OTUD7A: variants seen among roughly 807,000 people sequenced by gnomAD.
The protein encoded by OTUD7A is OTU deubiquitinase 7A, also known as OTU domain-containing protein 7A.
Under a neutral mutation model 65.7 loss-of-function variants are expected in OTUD7A, and 12 were observed. The ratio of observed to expected loss-of-function variants is 0.18; its 90% CI spans 0.12 to 0.30. The LOEUF is 0.30. OTUD7A is among the 10% of genes least tolerant of loss of function. The pLI, the probability that OTUD7A is intolerant of heterozygous loss-of-function variation, is 1.00. For synonymous variants in OTUD7A, 641 were observed against 586.3 expected (o/e 1.09, Z -1.35); for missense variants, 1,148 against 1,304.8 (o/e 0.88, Z 1.85).
intron 1 of OTUD7A, among the ~76,000 whole-genome samples, chr15:31,687,777 C>T (rs1185098254): frequency 6.6e-6 from 1 of 152,124 alleles, no homozygotes; most frequent in East Asian, 1.9e-4. Context: ...GTCTGAGGTC[C>T]CAATAAACTA....
intron 1 of OTUD7A, among the ~76,000 whole-genome samples, chr15:31,778,040 G>A (rs137862973): frequency 5.4e-4 from 82 of 152,218 alleles, no homozygotes; most frequent in African/African-American, 1.9e-3. Flanking sequence ...GGATCTAGGG[G>A]TATCATCAGT....
At chr15:31,518,269 C>T (rs12440031) in intron 8 of OTUD7A, among the ~76,000 whole-genome samples, 157 of 151,834 alleles carry the variant, frequency 1.0e-3, no homozygotes, top group Middle Eastern at 3.4e-3. Flanking sequence ...GTCAGGAGAT[C>T]GAGACCATCC....
intron 3 of OTUD7A, among the ~76,000 whole-genome samples, chr15:31,571,647 T>A (rs1889057667): frequency 6.6e-6 from 1 of 152,230 alleles, no homozygotes; most frequent in Non-Finnish European, 1.5e-5. Flanking sequence ...GTAAAGTTCT[T>A]CCTTTATGGA....
At chr15:31,523,643 G>A (rs1566901611) in intron 8 of OTUD7A, among the ~76,000 whole-genome samples, 1 of 152,182 alleles carries the variant, frequency 6.6e-6, no homozygotes, top group Non-Finnish European at 1.5e-5. Flanking sequence ...CCCATGTCCT[G>A]GCCTGTACAG....
At chr15:31,670,003 C>T (rs1892439461) in intron 1 of OTUD7A, among the ~76,000 whole-genome samples, 1 of 144,106 alleles carries the variant, frequency 6.9e-6, no homozygotes, top group Non-Finnish European at 1.5e-5. Context: ...TGAGGTGTTT[C>T]CTGGGTCCTG....
chr15:31,537,284 T>A (rs1229803939), intron 5 of OTUD7A, among the ~76,000 whole-genome samples: 1 of 152,220 alleles, frequency 6.6e-6, no homozygotes, highest in East Asian at 1.9e-4. Context: ...TGGTTAAGAT[T>A]CAGTGATTCC....
intron 1 of OTUD7A, among the ~76,000 whole-genome samples, chr15:31,793,864 T>TAC (rs1192951517): frequency 6.6e-6 from 1 of 152,246 alleles, no homozygotes; most frequent in Admixed American, 6.5e-5. Flanking sequence ...GAGTTCCTTG[T>TAC]ACATCATGCC....
At chr15:31,681,177 T>A (rs902515688) in intron 1 of OTUD7A, among the ~76,000 whole-genome samples, 1 of 151,690 alleles carries the variant, frequency 6.6e-6, no homozygotes, top group African/African-American at 2.4e-5. Flanking sequence ...TCATTGTCTG[T>A]CTGCCTTCCT....
chr15:31,867,477 C>T (rs1225196967), intron 1 of OTUD7A, among the ~76,000 whole-genome samples: 5 of 152,132 alleles, frequency 3.3e-5, no homozygotes, highest in African/African-American at 1.2e-4. Context: ...CCTAAGTGGA[C>T]ATCCGCCACC....
In OTUD7A at chr15:31,758,179, CA is replaced by C. The variant is rs376368589; in HGVS notation, c.-99-101103del. ...CTCAAGATAGCTACCTCCTCTTAAA[CA>C]CATATAAAACTGTAGAAATGGATAG... On this transcript the variant is annotated intron_variant, in intron 1 of 12. Transcript: ENST00000307050. Among the ~76,000 whole-genome samples the C allele has an allele frequency of 1.2e-3, 184 of 152,222 alleles. 5 individuals are homozygous for C. The highest frequency in any genetic ancestry group is 4.3e-3 in the African/African-American group (177 of 41,520).
chr15:31,684,472 G>A (rs1386434954), intron 1 of OTUD7A, among the ~76,000 whole-genome samples: 1 of 152,110 alleles, frequency 6.6e-6, no homozygotes, highest in Non-Finnish European at 1.5e-5. Context: ...AAGTCAGAGT[G>A]CACCTTAGCT....
At chr15:31,857,254 G>A (rs73382625) in intron 1 of OTUD7A, among the ~76,000 whole-genome samples, 4,109 of 152,236 alleles carry the variant, frequency 0.027, 176 homozygotes, top group African/African-American at 0.094. Context: ...GAGAGCCCAC[G>A]GTAGCACCTA....
rs1483119154 is a variant in OTUD7A, at chr15:31,480,698, A to G, written c.*2596T>C. The stretch of plus-strand genomic sequence containing the variant: ...TCGGTGCACGGGACTAGCACATTTA[A>G]TATGACCATCCGCTCTCTCCCTTTT... On this transcript the variant is annotated 3_prime_UTR_variant, in exon 13 of 13. Coordinates refer to ENST00000307050, the MANE Select transcript of OTUD7A (RefSeq NM_001382637.1). The G allele has an allele frequency of 1.3e-5, 2 of 152,234 alleles. No individual in the cohort carries two copies. Among genetic ancestry groups the G allele is most frequent in the Non-Finnish European group, 2.9e-5 (2 of 68,046 alleles). 9.4% of individuals were successfully genotyped at this position (152,234 alleles called of 1,614,324 possible).
intron 3 of OTUD7A, among the ~76,000 whole-genome samples, chr15:31,636,769 G>A (rs915135946): frequency 6.6e-6 from 1 of 152,162 alleles, no homozygotes; most frequent in Non-Finnish European, 1.5e-5. Flanking sequence ...TCTTATTGCC[G>A]ATACGGAGAA....
At chr15:31,534,128 A>C (rs1394567417) in intron 5 of OTUD7A, among the ~76,000 whole-genome samples, 1 of 152,232 alleles carries the variant, frequency 6.6e-6, no homozygotes, top group African/African-American at 2.4e-5. Flanking sequence ...ACAAAGAGAG[A>C]AAAGTGCAGA....
intron 1 of OTUD7A, among the ~76,000 whole-genome samples, chr15:31,666,838 C>T (rs981323248): frequency 3.9e-5 from 6 of 152,158 alleles, no homozygotes; most frequent in East Asian, 3.9e-4. Flanking sequence ...TCATTATTGT[C>T]GTTGAGTTTG....
chr15:31,781,197 C>T (rs569177188), intron 1 of OTUD7A, among the ~76,000 whole-genome samples: 1 of 152,284 alleles, frequency 6.6e-6, no homozygotes, highest in Admixed American at 6.5e-5. Flanking sequence ...AGTGTGACTG[C>T]TAAGGATGGG....
chr15:31,514,419 T>C (rs1282331534), intron 8 of OTUD7A, among the ~76,000 whole-genome samples: 1 of 152,148 alleles, frequency 6.6e-6, no homozygotes, highest in African/African-American at 2.4e-5. Context: ...CACTCACACA[T>C]GGATACATAT....
At chr15:31,844,878 T>C (rs1280963768) in intron 1 of OTUD7A, among the ~76,000 whole-genome samples, 1 of 152,222 alleles carries the variant, frequency 6.6e-6, no homozygotes, top group Non-Finnish European at 1.5e-5. Context: ...AGGGCCCTGC[T>C]TACTGCCTCG....
Sources: allele counts gnomAD v4.1 joint callset (sites outside exome capture counted in the v4.1 genomes callset), GRCh38; gene constraint gnomAD v4.1.1; transcripts MANE v1.5; gene names NCBI Gene and HGNC (gene_info 2026-07-23, HGNC 2026-07-21).